Variants in NAF1 observed in about 807,000 individuals in gnomAD.
NAF1 encodes the protein nuclear assembly factor 1 ribonucleoprotein.
In NAF1, 11 loss-of-function variants were observed where a neutral mutation model predicts 40.6. That is an observed-to-expected ratio of 0.27 (90% CI 0.17 to 0.45). The LOEUF is 0.45. Ranked by LOEUF, NAF1 falls within the 20% of genes least tolerant of loss-of-function variation. The probability of loss-of-function intolerance (pLI) is 1.00; values close to 1 mark genes in which losing one functional copy is unlikely to be tolerated. For synonymous variants in NAF1, 260 were observed against 228.5 expected (o/e 1.14, Z -1.24); for missense variants, 607 against 611.1 (o/e 0.99, Z 0.07).
At chr4:163,151,396 C>T (rs796675116) in intron 2 of NAF1, among the ~76,000 whole-genome samples, 6 of 151,154 alleles carry the variant, frequency 4.0e-5, no homozygotes, top group East Asian at 1.9e-4. Context: ...TGTATTTGGT[C>T]CATTCACAAT....
At chr4:163,112,662 G>A (rs1211555052) in intron 2 of NAF1, among the ~76,000 whole-genome samples, 1 of 152,148 alleles carries the variant, frequency 6.6e-6, no homozygotes, top group African/African-American at 2.4e-5. Flanking sequence ...CTGAATGCTG[G>A]AAGATATCTG....
chr4:163,130,964 C>T (rs910065360), intron 7 of NAF1, among the ~76,000 whole-genome samples: 7 of 152,292 alleles, frequency 4.6e-5, no homozygotes, highest in African/African-American at 1.4e-4. Flanking sequence ...CTGCAACCTC[C>T]GCTGCCCGGG....
intron 2 of NAF1, among the ~76,000 whole-genome samples, chr4:163,110,465 T>A (rs1730126948): frequency 6.6e-6 from 1 of 152,136 alleles, no homozygotes; most frequent in Admixed American, 6.6e-5. Flanking sequence ...ATAGGAAAAA[T>A]CATGGTATAT....
intron 2 of NAF1, among the ~76,000 whole-genome samples, chr4:163,151,545 A>G (rs1301460029): frequency 6.6e-6 from 1 of 152,002 alleles, no homozygotes; most frequent in Non-Finnish European, 1.5e-5. Context: ...TACTAAGTAC[A>G]CTTATATATT....
chr4:163,151,422 A>G (rs945174266), intron 2 of NAF1, among the ~76,000 whole-genome samples: 24 of 151,912 alleles, frequency 1.6e-4, no homozygotes, highest in Non-Finnish European at 3.4e-4. Flanking sequence ...TCTTGTATAA[A>G]AGTGCAGCAG....
downstream of NAF1, among the ~76,000 whole-genome samples, chr4:163,128,376 A>G (rs1420178411): frequency 6.6e-6 from 1 of 152,166 alleles, no homozygotes; most frequent in Non-Finnish European, 1.5e-5. Flanking sequence ...TTCTACCAAT[A>G]TATAAGAATT....
downstream of NAF1, chr4:163,127,094 T>C: frequency 3.2e-6 from 5 of 1,551,554 alleles, no homozygotes; most frequent in Non-Finnish European, 4.4e-6. Context: ...GAGGCCACAA[T>C]ATCTGTGAGA....
chr4:163,105,772 T>C (rs993405382), downstream of NAF1, among the ~76,000 whole-genome samples: 1 of 152,218 alleles, frequency 6.6e-6, no homozygotes, highest in African/African-American at 2.4e-5. Flanking sequence ...CTTGTCTGGC[T>C]TGTATCTGTC....
chr4:163,148,573 A>C (rs761535149), intron 2 of NAF1, 139 bp from the exon 3 acceptor site: 7 of 576,722 alleles, frequency 1.2e-5, no homozygotes, highest in Non-Finnish European at 2.1e-5. Context: ...TTATCATTTT[A>C]GTGGTTGCAG....
chr4:163,162,082 A>G (rs1198056918), intron 2 of NAF1, among the ~76,000 whole-genome samples: 1 of 114,884 alleles, frequency 8.7e-6, no homozygotes, highest in East Asian at 2.5e-4. Flanking sequence ...ACTAGCCTCA[A>G]TGATCTGTTC....
At chr4:163,106,845 A>C (rs1730056950), downstream of NAF1, among the ~76,000 whole-genome samples, 1 of 152,206 alleles carries the variant, frequency 6.6e-6, no homozygotes. Context: ...ATTAGGCAAA[A>C]CTAGTAGACA....
rs1323563919 is a variant in NAF1, at chr4:163,164,321, A to C, written c.436T>G (p.Cys146Gly). 5 of 1,602,162 alleles carry C rather than the reference A, an allele frequency of 3.1e-6. No individual in the cohort carries two copies. The African/African-American group carries it at 4.0e-5, about 13-fold the overall frequency. ...GACAGCACTGGAGGAAGTGATATAC[A>C]AGAGGAAGAAGACGACGATGAGGAA... Reference protein sequence around the residue: ...SSSSSSSSSSCISLPPVLSDG... With the variant: ...SSSSSSSSSSGISLPPVLSDG... The change falls in exon 2 of 8, where the codon TGT (cysteine) becomes GGT (glycine). Residue 146 changes from cysteine to glycine, a missense_variant. Physicochemically the swap from Cys to Gly is radical, Grantham distance 159. This residue lies in a region of NAF1 where 407 missense variants were observed against 365.5 expected (regional missense o/e 1.11). Transcript: ENST00000274054.
At chr4:163,109,995 C>A, downstream of NAF1, 1 of 379,230 alleles carries the variant, frequency 2.6e-6, no homozygotes, top group Non-Finnish European at 4.7e-6. Flanking sequence ...TCATTTTTAC[C>A]TTTGTTTACT....
downstream of NAF1, among the ~76,000 whole-genome samples, chr4:163,123,450 T>C (rs1192939464): frequency 6.6e-6 from 1 of 152,248 alleles, no homozygotes; most frequent in Admixed American, 6.5e-5. Context: ...GGTGTGATCA[T>C]AGCTCATTGG....
intron 2 of NAF1, among the ~76,000 whole-genome samples, chr4:163,153,241 G>A (rs1267899414): frequency 6.6e-6 from 1 of 152,222 alleles, no homozygotes; most frequent in Non-Finnish European, 1.5e-5. Context: ...AGCGCATGGC[G>A]TGGGACTGGC....
intron 1 of NAF1, 67 bp downstream of exon 1, chr4:163,166,296 G>A (rs994653812): frequency 1.3e-5 from 19 of 1,506,238 alleles, no homozygotes; most frequent in Admixed American, 2.2e-5. Flanking sequence ...AGGCTCCTAG[G>A]CCCCAGCCAC....
rs562430255 is a variant in NAF1, at chr4:163,120,906, T to C, written c.115-10616A>G. 3.3e-5 allele frequency among the ~76,000 whole-genome samples: 5 copies of C among 152,348 alleles called. No homozygotes were observed. The South Asian group carries it at 1.0e-3, about 32-fold the overall frequency. On this transcript the variant is annotated intron_variant, in intron 2 of 2. Transcript: ENST00000509434. ...TCCTTTGGTCTGATTTATTTATTTT[T>C]TTTGAGACGGAGTCTCGCTTTGTCA...
rs775094459 is a variant in NAF1 at position 163,129,279 on chromosome 4, T to C, written c.1103A>G (p.Tyr368Cys). ...HSSASEHAKG[Y>C]RNREFTRGFS... The stretch of plus-strand genomic sequence containing the variant: ...TCCTCGTGTGAATTCTCTGTTACGA[T>C]ATCCTTTTGCATGCTCTGAAGCAGA... The change falls in exon 8 of 8, where the codon TAT (tyrosine) becomes TGT (cysteine). Residue 368 changes from tyrosine to cysteine, a missense_variant. Physicochemically the swap from Tyr to Cys is radical, Grantham distance 194. This residue lies in a region of NAF1 where 189 missense variants were observed against 216.6 expected (regional missense o/e 0.87). Coordinates refer to ENST00000274054, the MANE Select transcript of NAF1 (RefSeq NM_138386.3). The C allele has an allele frequency of 2.5e-6, 4 of 1,614,194 alleles. No individual in the cohort carries two copies. Among genetic ancestry groups the C allele is most frequent in the Non-Finnish European group, 3.4e-6 (4 of 1,180,022 alleles).
intron 2 of NAF1, among the ~76,000 whole-genome samples, chr4:163,112,210 TTC>T (rs1213859472): frequency 2.0e-5 from 3 of 151,702 alleles, no homozygotes; most frequent in South Asian, 2.1e-4. Context: ...ATTGCTAGAG[TTC>T]TCTCTCTCAG....
Sources: gnomAD v4.1 joint callset for allele counts (sites outside exome capture counted in the v4.1 genomes callset) on GRCh38, gnomAD v4.1.1 for gene constraint, gnomAD v4.1.1 regional missense constraint, MANE v1.5 for transcripts, NCBI Gene and HGNC (gene_info 2026-07-23, HGNC 2026-07-21) for gene names.